Variants in DLGAP1 observed in about 807,000 individuals in gnomAD.
DLGAP1 encodes disks large-associated protein 1.
DLGAP1 carries 11 observed loss-of-function variants against 90.8 expected under a neutral mutation model. That is an observed-to-expected ratio of 0.12 (90% confidence interval 0.08 to 0.20). The LOEUF (loss-of-function observed/expected upper bound fraction) is 0.20, where lower values mean the gene tolerates loss of function less well. DLGAP1 is among the 10% of genes least tolerant of loss of function. The pLI is 1.00. For synonymous variants in DLGAP1, 558 were observed against 540.7 expected (o/e 1.03, Z -0.44); for missense variants, 1,050 against 1,333.8 (o/e 0.79, Z 3.31).
rs58376566 is a variant in DLGAP1, at chr18:4,218,826, TACAC to T, written c.-266-67543_-266-67540del. Among the ~76,000 whole-genome samples, 1,279 of 145,810 alleles carry T rather than the reference TACAC, an allele frequency of 8.8e-3. 13 individuals are homozygous for T. The highest frequency in any genetic ancestry group is 0.024 in the African/African-American group (956 of 39,714). ...GATAAAGAAAATGTGTATACATACATACACACACACACACACACACACACACAAT... is the reference window on the plus strand; with the variant it reads ...GATAAAGAAAATGTGTATACATACATACACACACACACACACACACACAAT... On this transcript the variant is annotated intron_variant, in intron 1 of 12. Transcript: ENST00000315677.
chr18:4,265,659 CCCTCCCTT>C (rs1451510108), intron 1 of DLGAP1, among the ~76,000 whole-genome samples: 7 of 62,278 alleles, frequency 1.1e-4, no homozygotes, highest in South Asian at 6.6e-4. Flanking sequence ...CTCCCTCCCT[CCCTCCCTT>C]CCTTCCTTCC....
At chr18:3,955,289 A>G (rs564428833) in intron 3 of DLGAP1, among the ~76,000 whole-genome samples, 118 of 152,348 alleles carry the variant, frequency 7.7e-4, no homozygotes, top group African/African-American at 2.8e-3. Context: ...AGCAAGACCC[A>G]AAAAGATCAA....
chr18:4,223,919 C>T (rs991463387), intron 1 of DLGAP1, among the ~76,000 whole-genome samples: 3 of 152,190 alleles, frequency 2.0e-5, no homozygotes, highest in African/African-American at 7.2e-5. Context: ...TTAGCTGTAA[C>T]CTCATGACAT....
chr18:4,384,032 A>G (rs1052737155), intron 1 of DLGAP1, among the ~76,000 whole-genome samples: 3 of 152,178 alleles, frequency 2.0e-5, no homozygotes, highest in Non-Finnish European at 4.4e-5. Flanking sequence ...GAGCCATGCG[A>G]CAAGCAATTT....
chr18:3,542,992 T>C (rs966901388), intron 9 of DLGAP1, among the ~76,000 whole-genome samples: 10 of 152,230 alleles, frequency 6.6e-5, no homozygotes, highest in African/African-American at 2.4e-4. Context: ...TCTATCTATA[T>C]GTAACACAAC....
At chr18:4,274,494 T>C (rs2079365742) in intron 1 of DLGAP1, among the ~76,000 whole-genome samples, 1 of 152,216 alleles carries the variant, frequency 6.6e-6, no homozygotes, top group South Asian at 2.1e-4. Context: ...ATTTACTCAA[T>C]ATCTTTAATT....
intron 1 of DLGAP1, among the ~76,000 whole-genome samples, chr18:4,358,159 T>C (rs1251697945): frequency 6.6e-6 from 1 of 152,156 alleles, no homozygotes; most frequent in Non-Finnish European, 1.5e-5. Flanking sequence ...CGTGATTCCA[T>C]GAAGTCGATA....
intron 4 of DLGAP1, among the ~76,000 whole-genome samples, chr18:3,862,774 GT>G (rs1366586235): frequency 6.6e-6 from 1 of 152,234 alleles, no homozygotes; most frequent in East Asian, 1.9e-4. Flanking sequence ...ACTCTACGAG[GT>G]AAGTATTTTT....
At chr18:3,623,563 G>A (rs896002681) in intron 7 of DLGAP1, among the ~76,000 whole-genome samples, 11 of 152,070 alleles carry the variant, frequency 7.2e-5, no homozygotes, top group African/African-American at 2.7e-4. Context: ...TGAGGCGGGC[G>A]GATCACCTGA....
intron 1 of DLGAP1, among the ~76,000 whole-genome samples, chr18:4,382,158 T>C (rs1183934435): frequency 1.3e-5 from 2 of 152,124 alleles, no homozygotes; most frequent in Non-Finnish European, 2.9e-5. Flanking sequence ...ATATCTCTTA[T>C]ATTTATCTAA....
chr18:3,559,903 G>T (rs2053978073), intron 9 of DLGAP1, among the ~76,000 whole-genome samples: 1 of 151,814 alleles, frequency 6.6e-6, no homozygotes, highest in Non-Finnish European at 1.5e-5. Context: ...TTACAGGCAT[G>T]AGCCACTGCT....
intron 7 of DLGAP1, among the ~76,000 whole-genome samples, chr18:3,669,583 C>G (rs1005314214): frequency 4.6e-5 from 7 of 152,188 alleles, no homozygotes; most frequent in Admixed American, 2.0e-4. Flanking sequence ...GCACATGGAT[C>G]GATGCCATCG....
At chr18:4,441,322 A>C (rs2083531375) in intron 1 of DLGAP1, among the ~76,000 whole-genome samples, 1 of 152,196 alleles carries the variant, frequency 6.6e-6, no homozygotes, top group Non-Finnish European at 1.5e-5. Flanking sequence ...ACACCCCTAG[A>C]AGGTTCCACA....
chr18:3,729,137 G>A lies in DLGAP1; in HGVS notation c.1589C>T (p.Thr530Met). 1 of 1,608,280 alleles carries A rather than the reference G, an allele frequency of 6.2e-7. No homozygotes were observed. The highest frequency in any genetic ancestry group is 8.5e-7 in the Non-Finnish European group (1 of 1,177,344). ...TTTVRTIQSSTVSSCITTYKK... is the reference protein window; with the variant it reads ...TTTVRTIQSSMVSSCITTYKK... ...TGGCTGAGGGCCCGCGCACTCACCC[G>A]TGCTGCTCTGGATGGTCCTAACGGT... is the stretch of plus-strand genomic sequence containing the variant. Residue 530 changes from threonine (T) to methionine (M), a missense_variant and splice_region_variant, in exon 7 of 13, where the codon ACG (threonine) becomes ATG (methionine). Transcript: ENST00000315677. This position sits in a 1 kb window ranked among gnomAD's most constrained non-coding sequence, Gnocchi z 6.2.
chr18:3,855,891 G>A (rs111383076), intron 4 of DLGAP1, among the ~76,000 whole-genome samples: 16,855 of 152,222 alleles, frequency 0.11, 1,027 homozygotes, highest in Non-Finnish European at 0.13. Flanking sequence ...GATTACAGGC[G>A]TGAGCCACCA....
At chr18:4,075,332 T>A (rs75414147) in intron 2 of DLGAP1, among the ~76,000 whole-genome samples, 179 of 152,276 alleles carry the variant, frequency 1.2e-3, no homozygotes, top group African/African-American at 4.2e-3. Context: ...TTCTCTACAG[T>A]GTAAAAAGAA....
At chr18:3,591,618 G>C (rs887049052) in intron 7 of DLGAP1, among the ~76,000 whole-genome samples, 4 of 151,952 alleles carry the variant, frequency 2.6e-5, no homozygotes, top group African/African-American at 9.7e-5. Flanking sequence ...CGGGAGGATT[G>C]CTGAAGCCCA....
intron 5 of DLGAP1, among the ~76,000 whole-genome samples, chr18:3,798,005 G>GC (rs979013239): frequency 2.6e-5 from 4 of 152,130 alleles, no homozygotes; most frequent in Admixed American, 2.0e-4. Context: ...TGCCGCTCTT[G>GC]CCTTCTGCCA....
chr18:3,525,100 AAAATC>A (rs2051524485), intron 10 of DLGAP1, among the ~76,000 whole-genome samples: 1 of 139,382 alleles, frequency 7.2e-6, no homozygotes, highest in African/African-American at 2.6e-5. Context: ...GAAAAAAAAA[AAAATC>A]AACAACATTA....
Sources: gnomAD v4.1 joint callset for allele counts (sites outside exome capture counted in the v4.1 genomes callset) on GRCh38, gnomAD v4.1.1 for gene constraint, Gnocchi (gnomAD v3.1) non-coding constraint, MANE v1.5 for transcripts, NCBI Gene and HGNC (gene_info 2026-07-23, HGNC 2026-07-21) for gene names.